The following RGS6 variants were observed in gnomAD, a reference collection of about 807,000 sequenced individuals.
RGS6 encodes regulator of G protein signaling 6.
A neutral mutation model predicts 78.5 loss-of-function variants in RGS6; 30 were observed. The ratio of observed to expected loss-of-function variants is 0.38; its 90% CI spans 0.29 to 0.52. The LOEUF (loss-of-function observed/expected upper bound fraction) is 0.52. RGS6 is among the 20% of genes least tolerant of loss of function. The probability of loss-of-function intolerance (pLI) is 0.85; values close to 1 mark genes in which losing one functional copy is unlikely to be tolerated. For missense variants in RGS6, 495 were observed against 609.7 expected (o/e 0.81, Z 1.98); for synonymous variants, 206 against 206.0 (o/e 1.00, Z 0.00).
intron 2 of RGS6, among the ~76,000 whole-genome samples, chr14:72,250,928 C>G (rs1339639245): frequency 6.6e-6 from 1 of 152,090 alleles, no homozygotes; most frequent in South Asian, 2.1e-4. Context: ...ATTAACAGGG[C>G]AAAGGCATAC....
chr14:72,015,995 C>T (rs957603344), intron 2 of RGS6, among the ~76,000 whole-genome samples: 2 of 152,102 alleles, frequency 1.3e-5, no homozygotes, highest in African/African-American at 4.8e-5. Context: ...CTTTACTACT[C>T]TGTGGCTTAT....
chr14:72,629,662 ACTC>A, the RGS6 span: 1 of 1,536,018 alleles, frequency 6.5e-7, no homozygotes, highest in Non-Finnish European at 8.7e-7. Context: ...CAGGATTTGC[ACTC>A]TATGCACTGC....
chr14:71,977,809 G>T (rs2094217183), intron 2 of RGS6, among the ~76,000 whole-genome samples: 1 of 152,004 alleles, frequency 6.6e-6, no homozygotes, highest in African/African-American at 2.4e-5. Context: ...GAAAGGCATT[G>T]GTAGCTTGAT....
intron 2 of RGS6, among the ~76,000 whole-genome samples, chr14:72,266,897 G>A (rs1297830076): frequency 6.6e-6 from 1 of 152,196 alleles, no homozygotes; most frequent in Admixed American, 6.5e-5. Flanking sequence ...CCAGGGTCTA[G>A]CCAATGGTGG....
At chr14:72,603,639 G>T in the RGS6 span, among the ~76,000 whole-genome samples, 1 of 152,244 alleles carries the variant, frequency 6.6e-6, no homozygotes, top group Admixed American at 6.5e-5. Context: ...TCTGATCAGG[G>T]AGGCTCTCAA....
rs111478884 is a variant in RGS6 at position 72,220,798 on chromosome 14, C to T, written c.85-131297C>T. On this transcript the variant is annotated intron_variant, in intron 2 of 17. Coordinates refer to ENST00000553525, the MANE Select transcript of RGS6 (RefSeq NM_001204424.2). ...AAGGTTGATGAACTTGAACATCAAA[C>T]ATATGCTCTGATTCTGTGACTTATT... Among the ~76,000 whole-genome samples, 1,050 of 152,264 alleles carry T rather than the reference C, an allele frequency of 6.9e-3. 10 individuals are homozygous for T. Among genetic ancestry groups the T allele is most frequent in the African/African-American group, 0.024 (995 of 41,544 alleles).
chr14:72,172,247 A>G (rs2097031902), intron 2 of RGS6, among the ~76,000 whole-genome samples: 1 of 151,148 alleles, frequency 6.6e-6, no homozygotes, highest in Non-Finnish European at 1.5e-5. Flanking sequence ...AACCTCACTC[A>G]GCAGTCCTTT....
At chr14:72,389,589 G>A (rs1291300224) in intron 3 of RGS6, among the ~76,000 whole-genome samples, 1 of 152,148 alleles carries the variant, frequency 6.6e-6, no homozygotes. Flanking sequence ...TCCGTTACCC[G>A]ATCCCCAGGG....
intron 2 of RGS6, among the ~76,000 whole-genome samples, chr14:72,280,575 G>A (rs999345375): frequency 1.3e-5 from 2 of 152,210 alleles, no homozygotes; most frequent in South Asian, 2.1e-4. Flanking sequence ...CTAACCTTAT[G>A]CTAGGCACTA....
chr14:72,118,609 A>G lies in RGS6; in HGVS notation c.84+153734A>G, dbSNP rs8016250. 1.2e-3 allele frequency among the ~76,000 whole-genome samples: 187 copies of G among 152,354 alleles called. 1 individual carries two copies. Among genetic ancestry groups the G allele is most frequent in the African/African-American group, 4.3e-3 (179 of 41,584 alleles). On this transcript the variant is annotated intron_variant, in intron 2 of 17. Transcript: ENST00000553525. ...GCAGAACAGTAAACCCAGGTTTCCA[A>G]AATATCTTTCTGAGGTCATTACAGG... is the stretch of plus-strand genomic sequence containing the variant.
At chr14:72,437,940 C>G (rs2095014895) in intron 3 of RGS6, among the ~76,000 whole-genome samples, 1 of 152,146 alleles carries the variant, frequency 6.6e-6, no homozygotes, top group South Asian at 2.1e-4. Context: ...TGTTATTAAT[C>G]AGAAGAGAAC....
At chr14:72,552,801 C>G (rs2097525505) in intron 17 of RGS6, 1 of 152,200 alleles carries the variant, frequency 6.6e-6, no homozygotes, top group Non-Finnish European at 1.5e-5. Context: ...CCGACAGAAA[C>G]AGAAGTGGAG....
intron 3 of RGS6, among the ~76,000 whole-genome samples, chr14:72,442,665 T>A (rs1384485950): frequency 6.6e-6 from 1 of 152,206 alleles, no homozygotes; most frequent in Admixed American, 6.5e-5. Flanking sequence ...GGACTGAACA[T>A]CTTACAGGTG....
chr14:72,334,597 T>C (rs1177205213), intron 2 of RGS6, among the ~76,000 whole-genome samples: 1 of 152,216 alleles, frequency 6.6e-6, no homozygotes. Flanking sequence ...GATGTCCGCC[T>C]GAAACACTTT....
At chr14:72,352,825 A>G (rs1045138557) in intron 3 of RGS6, among the ~76,000 whole-genome samples, 1 of 152,054 alleles carries the variant, frequency 6.6e-6, no homozygotes, top group African/African-American at 2.4e-5. Flanking sequence ...TTCCCTAAAC[A>G]CTATCTGCTT....
the RGS6 span, among the ~76,000 whole-genome samples, chr14:71,889,789 T>C: frequency 1.3e-5 from 2 of 152,204 alleles, no homozygotes; most frequent in Non-Finnish European, 2.9e-5. Context: ...TGACTGGATC[T>C]TGGGGGCAGG....
At chr14:71,879,075 G>C in the RGS6 span, among the ~76,000 whole-genome samples, 1 of 151,788 alleles carries the variant, frequency 6.6e-6, no homozygotes, top group African/African-American at 2.4e-5. Flanking sequence ...TCTCAACCAT[G>C]CAATATGCTG....
At chr14:72,319,342 AG>A (rs201188377) in intron 2 of RGS6, among the ~76,000 whole-genome samples, 3 of 151,538 alleles carry the variant, frequency 2.0e-5, no homozygotes, top group Admixed American at 1.3e-4. Context: ...AGAGAACTGA[AG>A]GGGGAAATTT....
At chr14:72,622,470 G>A in the RGS6 span, among the ~76,000 whole-genome samples, 1 of 152,120 alleles carries the variant, frequency 6.6e-6, no homozygotes, top group African/African-American at 2.4e-5. Context: ...ACAGAAAACA[G>A]ACAGGACTTG....
Sources: allele counts gnomAD v4.1 joint callset (sites outside exome capture counted in the v4.1 genomes callset), GRCh38; gene constraint gnomAD v4.1.1; transcripts MANE v1.5; gene names NCBI Gene and HGNC (gene_info 2026-07-23, HGNC 2026-07-21).